HNRNPUL1: variants seen among roughly 807,000 people sequenced by gnomAD.
HNRNPUL1 encodes the protein heterogeneous nuclear ribonucleoprotein U-like protein 1.
HNRNPUL1 carries 14 observed loss-of-function variants against 108.5 expected under a neutral mutation model. That is an observed-to-expected ratio of 0.13 (90% confidence interval 0.09 to 0.20). The LOEUF (loss-of-function observed/expected upper bound fraction) is 0.20. Ranked by LOEUF, HNRNPUL1 falls within the 10% of genes least tolerant of loss-of-function variation. The pLI is 1.00. For synonymous variants in HNRNPUL1, 422 were observed against 445.2 expected (o/e 0.95, Z 0.66); for missense variants, 804 against 1,168.3 (o/e 0.69, Z 4.55).
At position 41,301,387 on chromosome 19, in the gene HNRNPUL1, TAAGTA is replaced by T. The variant is rs1412880315; in HGVS notation, c.1519-145_1519-141del. 8.0e-6 allele frequency: 5 copies of T among 628,344 alleles called. No individual in the cohort carries two copies. The East Asian group carries it at 9.0e-5, about 11-fold the overall frequency. The allele number at this position is 628,344 out of a possible 1,614,324, so 38.9% of individuals were successfully genotyped here. A position where few individuals can be genotyped will look rare whatever the true frequency, so the allele number is the denominator to read the frequency against. On this transcript the variant is annotated intron_variant, in intron 10 of 14. Transcript: ENST00000392006. ...TGCTGAGGGTGACTCAAGAATCTTC[TAAGTA>T]AAGAAGAGCTGTTTCCTGAGTTTCT...
intron 12 of HNRNPUL1, 132 bp from the exon 13 acceptor site, chr19:41,303,840 C>T: frequency 9.1e-7 from 1 of 1,102,242 alleles, no homozygotes. Context: ...AGAGGACATG[C>T]TTTGTTGTTC....
intron 7 of HNRNPUL1, among the ~76,000 whole-genome samples, chr19:41,281,861 T>A (rs2035916464): frequency 6.6e-6 from 1 of 152,238 alleles, no homozygotes; most frequent in Non-Finnish European, 1.5e-5. Context: ...GACCCAGTTA[T>A]GTTCTTCCAT....
In HNRNPUL1 at chr19:41,294,731, C is replaced by T. The variant is rs1040454521; in HGVS notation, c.1518+45C>T. On this transcript the variant is annotated intron_variant, in intron 10 of 14. Transcript: ENST00000392006. This position sits in a 1 kb window ranked among gnomAD's most constrained non-coding sequence, Gnocchi z 4.3. The stretch of plus-strand genomic sequence containing the variant: ...GTGTCCTCAGGAGAAGGGAGGGGAC[C>T]CCTTGCATGCCTGAGAATCTCCCTC... 2 of 1,606,184 alleles carry T rather than the reference C, an allele frequency of 1.2e-6. No individual in the cohort carries two copies. Among genetic ancestry groups the T allele is most frequent in the African/African-American group, 2.7e-5 (2 of 74,768 alleles).
chr19:41,285,218 G>C (rs1401621192), intron 7 of HNRNPUL1, among the ~76,000 whole-genome samples: 3 of 152,090 alleles, frequency 2.0e-5, no homozygotes, highest in African/African-American at 7.2e-5. Context: ...AAGTTCCCAG[G>C]CATCATTAAG....
intron 7 of HNRNPUL1, among the ~76,000 whole-genome samples, chr19:41,284,225 T>C (rs2036074737): frequency 6.6e-6 from 1 of 152,198 alleles, no homozygotes; most frequent in African/African-American, 2.4e-5. Flanking sequence ...ATATGCACTA[T>C]AGATTGAGGT....
chr19:41,295,741 G>A (rs1435806455), intron 10 of HNRNPUL1, among the ~76,000 whole-genome samples: 1 of 152,176 alleles, frequency 6.6e-6, no homozygotes, highest in Non-Finnish European at 1.5e-5. Context: ...GAGTTCAAAG[G>A]GCTCCTGATA....
Position 41,292,002 on chromosome 19 carries a change from A to T in HNRNPUL1, c.1000-243A>T, listed in dbSNP as rs961765429. 11 of 524,676 alleles carry T rather than the reference A, an allele frequency of 2.1e-5. No homozygotes were observed. The highest frequency in any genetic ancestry group is 9.7e-5 in the African/African-American group (5 of 51,596). The allele number at this position is 524,676 out of a possible 1,614,324, so 32.5% of individuals were successfully genotyped here. On this transcript the variant is annotated intron_variant, in intron 7 of 14. Transcript: ENST00000392006. This position sits in a 1 kb window ranked among gnomAD's most constrained non-coding sequence, Gnocchi z 4.1. Reference sequence around the variant, plus strand: ...CTCAAAAAAAAAAAAAACAAAAAAAAAAAACTCTTGCTTACTTGCTTCATA... The same window carrying T: ...CTCAAAAAAAAAAAAAACAAAAAAATAAAACTCTTGCTTACTTGCTTCATA...
chr19:41,264,193 A>G (rs377487368), upstream of HNRNPUL1: 130 of 289,480 alleles, frequency 4.5e-4, 2 homozygotes, highest in South Asian at 1.6e-4. Context: ...CTCGGCTTCG[A>G]CGTAGGCCAA....
chr19:41,270,805 C>T (rs1279843669), intron 2 of HNRNPUL1, among the ~76,000 whole-genome samples: 3 of 151,990 alleles, frequency 2.0e-5, no homozygotes, highest in Non-Finnish European at 2.9e-5. Context: ...CCATGTTGGC[C>T]AGGATGGTCT....
intron 7 of HNRNPUL1, among the ~76,000 whole-genome samples, chr19:41,288,279 C>T (rs1425287842): frequency 2.0e-5 from 3 of 146,390 alleles, no homozygotes; most frequent in Non-Finnish European, 4.5e-5. Context: ...GAGTTTTGCT[C>T]TTGTTGCCCA....
rs372277973 is a variant in HNRNPUL1 at position 41,294,553 on chromosome 19, C to T, written c.1390-5C>T. The T allele has an allele frequency of 3.0e-5, 49 of 1,613,912 alleles. No homozygotes were observed. The highest frequency in any genetic ancestry group is 5.3e-5 in the African/African-American group (4 of 74,912). ...CACTCACCCCTCACCAATTCCTGCC[C>T]GCAGGTGATGGGCCTACGCCGGCAG... On this transcript the variant is annotated splice_polypyrimidine_tract_variant and splice_region_variant and intron_variant, in intron 9 of 14. Coordinates refer to ENST00000392006, the MANE Select transcript of HNRNPUL1 (RefSeq NM_007040.6). The surrounding 1 kb of genome is among the most constrained non-coding windows in gnomAD (Gnocchi z 4.3).
chr19:41,278,120 C>T (rs1247459244), intron 5 of HNRNPUL1, among the ~76,000 whole-genome samples: 1 of 151,928 alleles, frequency 6.6e-6, no homozygotes, highest in African/African-American at 2.4e-5. Context: ...AATACAGTGG[C>T]GCAATCTCTG....
intron 2 of HNRNPUL1, among the ~76,000 whole-genome samples, chr19:41,270,705 C>T (rs767291821): frequency 6.7e-5 from 10 of 149,916 alleles, no homozygotes; most frequent in Non-Finnish European, 8.8e-5. Flanking sequence ...AAGTGATTCT[C>T]CTGCCTCAGC....
intron 4 of HNRNPUL1, among the ~76,000 whole-genome samples, chr19:41,275,434 G>A (rs975374337): frequency 2.6e-5 from 4 of 152,048 alleles, no homozygotes; most frequent in African/African-American, 9.7e-5. Flanking sequence ...GTTGCAGTGA[G>A]CCGAGATCAT....
At chr19:41,272,054 T>C (rs768934157) in intron 2 of HNRNPUL1, 28 bp from the exon 3 acceptor site, 1 of 1,612,320 alleles carries the variant, frequency 6.2e-7, no homozygotes. Context: ...GCGAGTGTCT[T>C]GACCATCTGA....
intron 10 of HNRNPUL1, among the ~76,000 whole-genome samples, chr19:41,296,437 CAAT>C (rs1483552153): frequency 6.6e-6 from 1 of 152,176 alleles, no homozygotes; most frequent in African/African-American, 2.4e-5. Context: ...TCTTGGCCAA[CAAT>C]GAGACAGAGA....
At chr19:41,284,599 GTTA>G (rs2036099242) in intron 7 of HNRNPUL1, among the ~76,000 whole-genome samples, 1 of 152,152 alleles carries the variant, frequency 6.6e-6, no homozygotes, top group Admixed American at 6.5e-5. Context: ...GCTGCAGTGG[GTTA>G]TGATTGGCCC....
intron 6 of HNRNPUL1, among the ~76,000 whole-genome samples, chr19:41,279,869 TA>T (rs1428864424): frequency 6.6e-6 from 1 of 152,274 alleles, no homozygotes; most frequent in East Asian, 1.9e-4. Context: ...TCTGGACATT[TA>T]TTTTTTTGTA....
At chr19:41,291,493 C>T (rs577291838) in intron 7 of HNRNPUL1, among the ~76,000 whole-genome samples, 4 of 152,234 alleles carry the variant, frequency 2.6e-5, no homozygotes, top group African/African-American at 9.6e-5. Context: ...GATGGGGTCT[C>T]TTTCTGTTAC....
Sources: allele counts gnomAD v4.1 joint callset (sites outside exome capture counted in the v4.1 genomes callset), GRCh38; gene constraint gnomAD v4.1.1; non-coding constraint Gnocchi (gnomAD v3.1); transcripts MANE v1.5; gene names NCBI Gene and HGNC (gene_info 2026-07-23, HGNC 2026-07-21).